FGF14: variants seen among roughly 807,000 people sequenced by gnomAD.
The protein encoded by FGF14 is fibroblast growth factor homologous factor 4.
Under a neutral mutation model 25.5 loss-of-function variants are expected in FGF14, and 5 were observed. That is an observed-to-expected ratio of 0.20 (90% CI 0.10 to 0.41). The LOEUF (loss-of-function observed/expected upper bound fraction) is 0.41. FGF14 is among the 10% of genes least tolerant of loss of function. FGF14 has a pLI of 1.00. For synonymous variants in FGF14, 138 were observed against 118.3 expected, an observed-to-expected ratio of 1.17 and a Z score of -1.08; for missense variants, 222 against 320.1, an observed-to-expected ratio of 0.69 and a Z score of 2.34.
intron 1 of FGF14, among the ~76,000 whole-genome samples, chr13:102,356,778 T>C (rs963989241): frequency 6.6e-6 from 1 of 152,026 alleles, no homozygotes; most frequent in Admixed American, 6.6e-5. Flanking sequence ...TTAAAAAGAT[T>C]TATATTCTGG....
Position 102,155,162 on chromosome 13 carries a change from C to A in FGF14, c.208+246309G>T, listed in dbSNP as rs184942232. Among the ~76,000 whole-genome samples, 319 of 152,286 alleles carry A rather than the reference C, an allele frequency of 2.1e-3. 1 individual carries two copies. The highest frequency in any genetic ancestry group is 7.1e-3 in the African/African-American group (297 of 41,558). The stretch of plus-strand genomic sequence containing the variant: ...TGAACTCAGCTCTGCACCAAGCAGA[C>A]CTAATAGACAACTACAGTACTCTCC... On this transcript the variant is annotated intron_variant, in intron 1 of 4. Coordinates refer to the FGF14 transcript ENST00000376131.
At chr13:102,207,624 TAAAAAAAAAAAA>T (rs35568335) in intron 1 of FGF14, among the ~76,000 whole-genome samples, 10 of 92,488 alleles carry the variant, frequency 1.1e-4, no homozygotes, top group African/African-American at 4.0e-4. Context: ...CAGTTTTCAT[TAAAAAAAAAAAA>T]AAAAAAAAAA....
In FGF14 at chr13:102,400,212, G is replaced by A. The variant is rs1304577267; in HGVS notation, c.208+1259C>T. On this transcript the variant is annotated intron_variant, in intron 1 of 4. Coordinates refer to the FGF14 transcript ENST00000376131. This position sits in a 1 kb window ranked among gnomAD's most constrained non-coding sequence, Gnocchi z 4.3. Reference sequence around the variant, plus strand: ...CGCTGGGGCTCTGGGTGCCAGTGCGGCCCCCGGCAGAGCCCAGGGCGTCAG... The same window carrying A: ...CGCTGGGGCTCTGGGTGCCAGTGCGACCCCCGGCAGAGCCCAGGGCGTCAG... Among the ~76,000 whole-genome samples the A allele has an allele frequency of 3.3e-5, 5 of 152,052 alleles. No individual in the cohort carries two copies. The highest frequency in any genetic ancestry group is 6.5e-5 in the Admixed American group (1 of 15,274).
intron 1 of FGF14, among the ~76,000 whole-genome samples, chr13:102,376,460 A>C (rs2058043882): frequency 1.3e-5 from 2 of 152,058 alleles, no homozygotes; most frequent in Admixed American, 1.3e-4. Flanking sequence ...TTTTCCTTCC[A>C]CTGTCTGCCT....
At chr13:101,802,442 G>A (rs7491329) in intron 3 of FGF14, 135,093 of 187,472 alleles carry the variant, frequency 0.72, 49,376 homozygotes, top group East Asian at 0.81. Flanking sequence ...GGGAGGAGGA[G>A]GATGAAAAAA....
At chr13:102,275,250 C>CTCTCTCTT (rs2053467661) in intron 1 of FGF14, among the ~76,000 whole-genome samples, 2 of 105,868 alleles carry the variant, frequency 1.9e-5, no homozygotes, top group African/African-American at 8.0e-5. Flanking sequence ...CTCTCTCTCT[C>CTCTCTCTT]TCTCTCTCTC....
At chr13:102,321,188 T>C (rs2056230908) in intron 1 of FGF14, among the ~76,000 whole-genome samples, 1 of 152,122 alleles carries the variant, frequency 6.6e-6, no homozygotes, top group Non-Finnish European at 1.5e-5. Context: ...TAGAGCACAT[T>C]TTTTCTCAAT....
intron 3 of FGF14, among the ~76,000 whole-genome samples, chr13:101,809,020 T>G (rs1478227618): frequency 6.6e-6 from 1 of 152,100 alleles, no homozygotes; most frequent in Non-Finnish European, 1.5e-5. Context: ...AACATTTGAA[T>G]GCATGCTTTC....
intron 1 of FGF14, among the ~76,000 whole-genome samples, chr13:102,063,684 CTT>C (rs2140116319): frequency 6.6e-6 from 1 of 151,768 alleles, no homozygotes; most frequent in South Asian, 2.1e-4. Flanking sequence ...AAAAGAATGT[CTT>C]TTATGACTAG....
At chr13:102,268,835 C>T (rs2053117538) in intron 1 of FGF14, among the ~76,000 whole-genome samples, 4 of 152,132 alleles carry the variant, frequency 2.6e-5, no homozygotes, top group Admixed American at 2.6e-4. Context: ...AAAAGACTGA[C>T]TAATCTTTTG....
At chr13:102,389,974 A>T (rs889385592) in intron 1 of FGF14, among the ~76,000 whole-genome samples, 1 of 152,320 alleles carries the variant, frequency 6.6e-6, no homozygotes, top group Middle Eastern at 3.4e-3. Flanking sequence ...TGAAATTTTT[A>T]GATGTTAGGA....
At chr13:101,861,903 G>T (rs927734005) in intron 3 of FGF14, among the ~76,000 whole-genome samples, 1 of 152,116 alleles carries the variant, frequency 6.6e-6, no homozygotes, top group Admixed American at 6.6e-5. Context: ...ACTGTCACCA[G>T]TGAAATCCTC....
At chr13:102,003,815 G>T (rs1295812811) in intron 1 of FGF14, among the ~76,000 whole-genome samples, 1 of 152,036 alleles carries the variant, frequency 6.6e-6, no homozygotes, top group Non-Finnish European at 1.5e-5. Context: ...GGAACTAGTG[G>T]ATATTTTAAA....
intron 1 of FGF14, among the ~76,000 whole-genome samples, chr13:102,366,222 T>C (rs2057707987): frequency 6.6e-6 from 1 of 152,142 alleles, no homozygotes; most frequent in Non-Finnish European, 1.5e-5. Context: ...CTTCCCCTCC[T>C]GGTACCCTGG....
At chr13:102,255,144 A>G (rs567537385) in intron 1 of FGF14, among the ~76,000 whole-genome samples, 2 of 152,338 alleles carry the variant, frequency 1.3e-5, no homozygotes, top group African/African-American at 4.8e-5. Context: ...TCTCTCTTTC[A>G]TCACTGAGTT....
At chr13:102,382,817 T>C (rs1322868307) in intron 1 of FGF14, among the ~76,000 whole-genome samples, 2 of 152,142 alleles carry the variant, frequency 1.3e-5, no homozygotes, top group African/African-American at 4.8e-5. Context: ...AGATTCATGC[T>C]TGAATCTTGA....
intron 1 of FGF14, among the ~76,000 whole-genome samples, chr13:102,190,539 G>A (rs1238029755): frequency 6.6e-6 from 1 of 152,178 alleles, no homozygotes; most frequent in African/African-American, 2.4e-5. Context: ...TGTTCAGAGT[G>A]AGAATGTTGG....
At chr13:102,118,701 G>A in intron 1 of FGF14, among the ~76,000 whole-genome samples, 1 of 152,036 alleles carries the variant, frequency 6.6e-6, no homozygotes, top group Non-Finnish European at 1.5e-5. Context: ...TATCATATAT[G>A]TATATATACT....
intron 1 of FGF14, among the ~76,000 whole-genome samples, chr13:102,223,907 T>C (rs747186282): frequency 2.0e-5 from 3 of 152,122 alleles, no homozygotes; most frequent in Non-Finnish European, 4.4e-5. Context: ...TTAATCTTTT[T>C]TAGTTTTCAT....
Sources: gnomAD v4.1 joint callset for allele counts (sites outside exome capture counted in the v4.1 genomes callset) on GRCh38, gnomAD v4.1.1 for gene constraint, Gnocchi (gnomAD v3.1) non-coding constraint, MANE v1.5 for transcripts, NCBI Gene and HGNC (gene_info 2026-07-23, HGNC 2026-07-21) for gene names.